Variants in ST18 observed in about 807,000 individuals in gnomAD.
ST18 encodes suppression of tumorigenicity 18 protein.
In ST18, 50 loss-of-function variants were observed where a neutral mutation model predicts 110.0. The observed-to-expected ratio is 0.45, with a 90% CI of 0.36 to 0.58. The LOEUF (loss-of-function observed/expected upper bound fraction) is 0.58. Ranked by LOEUF, ST18 falls within the 20% of genes least tolerant of loss-of-function variation. ST18 has a pLI of 0.00. For synonymous variants in ST18, 461 were observed against 452.4 expected, an observed-to-expected ratio of 1.02 and a Z score of -0.24; for missense variants, 1,306 against 1,280.1, an observed-to-expected ratio of 1.02 and a Z score of -0.31.
chr8:52,251,041 T>C (rs1380583462), intron 2 of ST18, among the ~76,000 whole-genome samples: 3 of 152,128 alleles, frequency 2.0e-5, no homozygotes, highest in Non-Finnish European at 2.9e-5. Flanking sequence ...TTTACCTCCT[T>C]ATGTCAAAAT....
chr8:52,351,022 C>CT (rs986959668), intron 2 of ST18, among the ~76,000 whole-genome samples: 3 of 152,034 alleles, frequency 2.0e-5, no homozygotes, highest in Non-Finnish European at 4.4e-5. Context: ...GCCTGGCCGT[C>CT]TTTTTTTGAC....
At position 52,172,397 on chromosome 8, in the gene ST18, T is replaced by C. The variant is rs1256832194; in HGVS notation, c.464A>G (p.Gln155Arg). ...TTCATCGCTCTCTGCTTTTAAAGAC[T>C]GGATGCCACTGTCATTTAAATTTTC... ...VSENLNDSGIQSLKAESDEAD... is the reference protein window; with the variant it reads ...VSENLNDSGIRSLKAESDEAD... The change falls in exon 10 of 26, where the codon CAG (glutamine) becomes CGG (arginine). Residue 155 changes from glutamine (Q) to arginine (R), a missense_variant. Gln to Arg is a conservative substitution (Grantham distance 43). Coordinates refer to ENST00000689386, the MANE Select transcript of ST18 (RefSeq NM_001352837.2). The C allele has an allele frequency of 6.2e-7, 1 of 1,614,056 alleles. No homozygotes were observed. The highest frequency in any genetic ancestry group is 1.7e-5 in the Admixed American group (1 of 60,018).
At position 52,113,248 on chromosome 8, in the gene ST18, T is replaced by G. The variant is rs1379919735; in HGVS notation, c.3094A>C (p.Lys1032Gln). 1 of 1,614,032 alleles carries G rather than the reference T, an allele frequency of 6.2e-7. No homozygotes were observed. Among genetic ancestry groups the G allele is most frequent in the South Asian group, 1.1e-5 (1 of 91,090 alleles). The change falls in exon 26 of 26, where the codon AAA (lysine) becomes CAA (glutamine). Residue 1032 changes from lysine (K) to glutamine (Q), a missense_variant. By Grantham distance (53) the Lys-to-Gln change is moderately conservative (BLOSUM62 1). Coordinates refer to ENST00000689386, the MANE Select transcript of ST18 (RefSeq NM_001352837.2). Reference protein sequence around the residue: ...NLERDYSPECKALLESIKQAV... With the variant: ...NLERDYSPECQALLESIKQAV... ...TGTTTGATACTTTCCAGTAGAGCTT[T>G]GCATTCCGGGGAATAGTCCCGTTCC...
At chr8:52,269,830 T>G (rs983085337) in intron 2 of ST18, among the ~76,000 whole-genome samples, 18 of 152,218 alleles carry the variant, frequency 1.2e-4, no homozygotes, top group African/African-American at 4.3e-4. Context: ...GTATGTTGGA[T>G]CTCTGACCCA....
At chr8:52,177,089 C>T (rs189809524) in intron 9 of ST18, among the ~76,000 whole-genome samples, 258 of 152,298 alleles carry the variant, frequency 1.7e-3, no homozygotes, top group Middle Eastern at 6.8e-3. Context: ...GCTGGGGACC[C>T]CACACCTGGG....
chr8:52,127,152 G>A (rs2047411712), intron 22 of ST18, among the ~76,000 whole-genome samples: 1 of 152,128 alleles, frequency 6.6e-6, no homozygotes, highest in African/African-American at 2.4e-5. Flanking sequence ...AAATATTTCT[G>A]AAGAAAAGCC....
chr8:52,313,998 G>A (rs1264672448), intron 2 of ST18, among the ~76,000 whole-genome samples: 2 of 152,152 alleles, frequency 1.3e-5, no homozygotes, highest in Non-Finnish European at 2.9e-5. Flanking sequence ...TGGCTCCACT[G>A]GGCCTACCTT....
intron 15 of ST18, among the ~76,000 whole-genome samples, chr8:52,153,850 A>G (rs1004216984): frequency 6.6e-6 from 1 of 152,232 alleles, no homozygotes; most frequent in African/African-American, 2.4e-5. Context: ...AAATGGGATA[A>G]TAATATCTGC....
chr8:52,167,808 C>A (rs965730979), intron 10 of ST18, among the ~76,000 whole-genome samples: 6 of 152,114 alleles, frequency 3.9e-5, no homozygotes, highest in Admixed American at 2.0e-4. Flanking sequence ...CCCACGGGAG[C>A]AGCCGGTCAT....
At chr8:52,362,012 G>C (rs1204739873) in intron 2 of ST18, among the ~76,000 whole-genome samples, 1 of 151,912 alleles carries the variant, frequency 6.6e-6, no homozygotes, top group Non-Finnish European at 1.5e-5. Flanking sequence ...TTTACACTTT[G>C]AACCTATATT....
intron 2 of ST18, among the ~76,000 whole-genome samples, chr8:52,315,015 T>C (rs1160164633): frequency 6.6e-6 from 1 of 152,214 alleles, no homozygotes; most frequent in African/African-American, 2.4e-5. Context: ...CAAATCACTC[T>C]TCATAAAACT....
At chr8:52,146,733 A>AT (rs1384057456) in intron 16 of ST18, among the ~76,000 whole-genome samples, 2 of 152,174 alleles carry the variant, frequency 1.3e-5, no homozygotes, top group African/African-American at 4.8e-5. Flanking sequence ...CAAACATTAC[A>AT]TTTTTCATTT....
intron 2 of ST18, among the ~76,000 whole-genome samples, chr8:52,266,909 G>C (rs1293131948): frequency 6.6e-6 from 1 of 152,154 alleles, no homozygotes; most frequent in African/African-American, 2.4e-5. Flanking sequence ...TTTCTCTGCA[G>C]CCCTGTGCCT....
chr8:52,328,411 C>T lies in ST18; in HGVS notation c.-465+80917G>A, dbSNP rs550195217. ...GTTTGCTCTCTGATATACCTTTCTA[C>T]TCCATCTGTGAATAATGATGGTGAT... On this transcript the variant is annotated intron_variant, in intron 2 of 25. Transcript: ENST00000689386. 2.0e-5 allele frequency among the ~76,000 whole-genome samples: 3 copies of T among 152,330 alleles called. No individual in the cohort carries two copies. In the South Asian group the frequency reaches 6.2e-4, roughly 32 times the overall value.
At chr8:52,352,749 C>A (rs1820959204) in intron 2 of ST18, among the ~76,000 whole-genome samples, 1 of 152,190 alleles carries the variant, frequency 6.6e-6, no homozygotes, top group South Asian at 2.1e-4. Context: ...TTCAATCTGC[C>A]TTCATTGAGA....
intron 7 of ST18, among the ~76,000 whole-genome samples, chr8:52,213,026 A>G (rs547461743): frequency 6.6e-6 from 1 of 152,220 alleles, no homozygotes; most frequent in African/African-American, 2.4e-5. Context: ...CTGGTATCCT[A>G]TTGAGAAGTT....
chr8:52,363,899 T>G lies in ST18; in HGVS notation c.-465+45429A>C, dbSNP rs372756871. ...CCTAATTCTAGGTGCTTTAGGCATG[T>G]CTCTGGCAAGATTATTCTACAAAGA... is the stretch of plus-strand genomic sequence containing the variant. On this transcript the variant is annotated intron_variant, in intron 2 of 25. Transcript: ENST00000689386. Among the ~76,000 whole-genome samples, 11 of 152,322 alleles carry G rather than the reference T, an allele frequency of 7.2e-5. 1 individual carries two copies. In the East Asian group the frequency reaches 1.7e-3, roughly 24 times the overall value.
rs139432325 is a variant in ST18 at position 52,127,363 on chromosome 8, CTG to C, written c.2667-1225_2667-1224del. ...GAAAAGCACAAACTCAACTTGGAAA[CTG>C]TGTCTTCTATTTTCAGAAGCTTCTC... is the stretch of plus-strand genomic sequence containing the variant. On this transcript the variant is annotated intron_variant, in intron 22 of 25. Transcript: ENST00000689386. 3.7e-3 allele frequency among the ~76,000 whole-genome samples: 557 copies of C among 152,226 alleles called. 2 individuals carry two copies. The highest frequency in any genetic ancestry group is 0.02 in the Middle Eastern group (6 of 294).
chr8:52,306,502 G>A (rs112238140), intron 2 of ST18, among the ~76,000 whole-genome samples: 1 of 152,306 alleles, frequency 6.6e-6, no homozygotes, highest in African/African-American at 2.4e-5. Flanking sequence ...ATTGTGAAGG[G>A]CATTGTGTAC....
Sources: gnomAD v4.1 joint callset for allele counts (sites outside exome capture counted in the v4.1 genomes callset) on GRCh38, gnomAD v4.1.1 for gene constraint, MANE v1.5 for transcripts, NCBI Gene and HGNC (gene_info 2026-07-23, HGNC 2026-07-21) for gene names.